The following GSK3B variants were observed in gnomAD, a reference collection of about 807,000 sequenced individuals.
GSK3B encodes glycogen synthase kinase-3 beta.
In GSK3B, 15 loss-of-function variants were observed where a neutral mutation model predicts 56.4. The ratio of observed to expected loss-of-function variants is 0.27; its 90% CI spans 0.18 to 0.41. GSK3B has a LOEUF of 0.41. Among genes scored for constraint, GSK3B ranks in the 10% least tolerant of loss-of-function variants. The pLI is 1.00. For missense variants in GSK3B, 300 were observed against 513.4 expected (o/e 0.58, Z 4.02); for synonymous variants, 181 against 188.9 (o/e 0.96, Z 0.34).
At chr3:120,015,971 G>C (rs942260692) in intron 1 of GSK3B, among the ~76,000 whole-genome samples, 1 of 152,112 alleles carries the variant, frequency 6.6e-6, no homozygotes, top group Non-Finnish European at 1.5e-5. Context: ...CAAAACAAAT[G>C]ACTCAATGTC....
intron 7 of GSK3B, among the ~76,000 whole-genome samples, chr3:119,897,089 A>C (rs551350043): frequency 6.6e-6 from 1 of 152,182 alleles, no homozygotes; most frequent in Non-Finnish European, 1.5e-5. Flanking sequence ...TATAAATAAA[A>C]CATCACTGGC....
rs755649245 is a variant in GSK3B at position 120,093,320 on chromosome 3, G to C, written c.88+27C>G. The C allele has an allele frequency of 4.3e-6, 6 of 1,402,258 alleles. No homozygotes were observed. In the Admixed American group the frequency reaches 5.1e-5, roughly 12 times the overall value. 86.9% of individuals were successfully genotyped at this position (1,402,258 alleles called of 1,614,324 possible). A position where few individuals can be genotyped will look rare whatever the true frequency, so the allele number is the denominator to read the frequency against. The stretch of plus-strand genomic sequence containing the variant: ...CTTATTTTAAGGGCGAGGTGGAAAA[G>C]GGGTGTAAAATAAAACCAATACTCA... On this transcript the variant is annotated intron_variant, in intron 1 of 10. Coordinates refer to ENST00000264235, the MANE Select transcript of GSK3B (RefSeq NM_001146156.2).
At chr3:119,852,798 AGT>A (rs1412052256) in intron 9 of GSK3B, among the ~76,000 whole-genome samples, 1 of 152,174 alleles carries the variant, frequency 6.6e-6, no homozygotes, top group Non-Finnish European at 1.5e-5. Flanking sequence ...AATTTGTTTA[AGT>A]TCTTTGTAGA....
intron 2 of GSK3B, among the ~76,000 whole-genome samples, chr3:119,982,208 G>C (rs2057470038): frequency 1.3e-5 from 2 of 152,088 alleles, no homozygotes; most frequent in African/African-American, 4.8e-5. Flanking sequence ...CCCATCTGTA[G>C]GTCACCAACA....
At chr3:119,911,698 A>G (rs2056736183) in intron 6 of GSK3B, among the ~76,000 whole-genome samples, 1 of 152,220 alleles carries the variant, frequency 6.6e-6, no homozygotes, top group Non-Finnish European at 1.5e-5. Context: ...TGCAGCTTCT[A>G]CATCAGCACT....
At chr3:119,911,627 T>C (rs2056735599) in intron 6 of GSK3B, among the ~76,000 whole-genome samples, 1 of 152,216 alleles carries the variant, frequency 6.6e-6, no homozygotes, top group Non-Finnish European at 1.5e-5. Flanking sequence ...CCATTAAAAC[T>C]CTGATGTTTA....
At chr3:120,037,539 A>C (rs2058033145) in intron 1 of GSK3B, among the ~76,000 whole-genome samples, 1 of 152,182 alleles carries the variant, frequency 6.6e-6, no homozygotes, top group Admixed American at 6.5e-5. Flanking sequence ...GTAATACGTC[A>C]TATGCAAAGG....
At chr3:120,017,339 T>C (rs1330593185) in intron 1 of GSK3B, among the ~76,000 whole-genome samples, 2 of 152,200 alleles carry the variant, frequency 1.3e-5, no homozygotes, top group Non-Finnish European at 2.9e-5. Context: ...AAAAAGCTGG[T>C]ATATTTTACT....
At chr3:120,079,003 C>T (rs185778126) in intron 1 of GSK3B, among the ~76,000 whole-genome samples, 36 of 145,746 alleles carry the variant, frequency 2.5e-4, no homozygotes, top group Admixed American at 1.8e-3. Context: ...TACAGTGGCA[C>T]GGTATCAGCT....
chr3:120,010,895 T>C lies in GSK3B; in HGVS notation c.89-8656A>G, dbSNP rs1414324887. ...CCAGCCTGGCCAAGATGGCAAAACA[T>C]TGTCTCTACTAAAAATACAAAAATT... On this transcript the variant is annotated intron_variant, in intron 1 of 10. Transcript: ENST00000264235. 2.0e-5 allele frequency among the ~76,000 whole-genome samples: 3 copies of C among 152,114 alleles called. No homozygotes were observed. In the South Asian group the frequency reaches 6.2e-4, roughly 31 times the overall value.
intron 1 of GSK3B, among the ~76,000 whole-genome samples, chr3:120,047,271 G>C (rs912559985): frequency 2.0e-5 from 3 of 152,104 alleles, no homozygotes; most frequent in African/African-American, 7.2e-5. Context: ...GCAACTGTTT[G>C]AAGTATTCAA....
chr3:119,940,467 A>G (rs1222591375), intron 3 of GSK3B, among the ~76,000 whole-genome samples: 2 of 152,134 alleles, frequency 1.3e-5, no homozygotes, highest in Non-Finnish European at 2.9e-5. Flanking sequence ...GTACATATAC[A>G]TACATACATA....
At chr3:120,065,685 T>C (rs2058272161) in intron 1 of GSK3B, among the ~76,000 whole-genome samples, 1 of 152,036 alleles carries the variant, frequency 6.6e-6, no homozygotes, top group Non-Finnish European at 1.5e-5. Flanking sequence ...CTATTCACAA[T>C]AGCCAAAAGC....
rs758244414 is a variant in GSK3B at position 120,093,446 on chromosome 3, T to C, written c.-12A>G. On this transcript the variant is annotated 5_prime_UTR_variant, in exon 1 of 11. Transcript: ENST00000264235. ...GGCCGCCCTGACATGATCACTCTCT[T>C]CGCGAATCACCTTTTCCTTCCTTCC... 12 of 1,580,942 alleles carry C rather than the reference T, an allele frequency of 7.6e-6. No homozygotes were observed. In the Admixed American group the frequency reaches 1.8e-4, roughly 24 times the overall value.
intron 9 of GSK3B, among the ~76,000 whole-genome samples, chr3:119,853,128 A>G (rs1660043581): frequency 6.6e-6 from 1 of 152,212 alleles, no homozygotes; most frequent in Non-Finnish European, 1.5e-5. Context: ...ATCCAGCTTC[A>G]GCTTTCTACA....
At chr3:119,943,669 G>C (rs560738325) in intron 3 of GSK3B, among the ~76,000 whole-genome samples, 1 of 152,224 alleles carries the variant, frequency 6.6e-6, no homozygotes, top group South Asian at 2.1e-4. Context: ...ATCAGAAAGA[G>C]AGTGGGATGG....
intron 1 of GSK3B, among the ~76,000 whole-genome samples, chr3:120,052,471 A>G (rs933453833): frequency 6.6e-6 from 1 of 152,194 alleles, no homozygotes; most frequent in Non-Finnish European, 1.5e-5. Context: ...TTCCTGTCCT[A>G]AAATAGCTAG....
chr3:120,033,785 C>T (rs535645088), intron 1 of GSK3B, among the ~76,000 whole-genome samples: 1 of 152,208 alleles, frequency 6.6e-6, no homozygotes, highest in South Asian at 2.1e-4. Flanking sequence ...TGCTTGCTCG[C>T]TCGCTCTCTC....
chr3:119,988,166 A>T (rs1441832778), intron 2 of GSK3B, among the ~76,000 whole-genome samples: 2 of 152,236 alleles, frequency 1.3e-5, no homozygotes, highest in Admixed American at 1.3e-4. Flanking sequence ...ACTTTTGAAG[A>T]GATAAAATGT....
Sources: gnomAD v4.1 joint callset for allele counts (sites outside exome capture counted in the v4.1 genomes callset) on GRCh38, gnomAD v4.1.1 for gene constraint, MANE v1.5 for transcripts, NCBI Gene and HGNC (gene_info 2026-07-23, HGNC 2026-07-21) for gene names.